The following TNRC6B variants were observed in gnomAD, a reference collection of about 807,000 sequenced individuals.
TNRC6B encodes the protein trinucleotide repeat containing adaptor 6B, also known as trinucleotide repeat-containing gene 6B protein.
In TNRC6B, 52 loss-of-function variants were observed where a neutral mutation model predicts 203.6. The observed-to-expected ratio is 0.26, with a 90% CI of 0.20 to 0.32. The LOEUF is 0.32. TNRC6B is among the 10% of genes least tolerant of loss of function. The pLI, the probability that TNRC6B is intolerant of heterozygous loss-of-function variation, is 1.00. For synonymous variants in TNRC6B, 838 were observed against 845.7 expected (o/e 0.99, Z 0.16); for missense variants, 1,923 against 2,286.2 (o/e 0.84, Z 3.24).
intron 3 of TNRC6B, among the ~76,000 whole-genome samples, chr22:40,257,352 T>A (rs2070295757): frequency 2.0e-5 from 3 of 152,178 alleles, no homozygotes; most frequent in Middle Eastern, 3.4e-3. Flanking sequence ...GATACAAGAA[T>A]GGAATAAGAA....
intron 1 of TNRC6B, among the ~76,000 whole-genome samples, chr22:40,104,309 T>C (rs12157468): frequency 0.082 from 12,497 of 152,130 alleles, 1,660 homozygotes; most frequent in African/African-American, 0.28. Context: ...AGTAGCCTTA[T>C]AACAAGTAGA....
At chr22:40,118,376 C>G (rs985505236) in intron 2 of TNRC6B, among the ~76,000 whole-genome samples, 12 of 152,160 alleles carry the variant, frequency 7.9e-5, no homozygotes, top group Admixed American at 6.5e-4. Flanking sequence ...AACACCTTTT[C>G]CTGCACAGCT....
In TNRC6B at chr22:40,190,790, G is replaced by A. The variant is rs112138529; in HGVS notation, c.5+12650G>A. 3.2e-4 allele frequency among the ~76,000 whole-genome samples: 48 copies of A among 152,318 alleles called. 1 individual carries two copies. Among genetic ancestry groups the A allele is most frequent in the African/African-American group, 1.1e-3 (47 of 41,576 alleles). On this transcript the variant is annotated intron_variant, in intron 1 of 22. Transcript: ENST00000454349. ...AGAGGGGAGGAGAGGAGAGGTTATG[G>A]TTAGCTGTGTCGGGTGTTTGGAAGC...
intron 15 of TNRC6B, among the ~76,000 whole-genome samples, chr22:40,306,153 T>C (rs528340944): frequency 6.6e-6 from 1 of 151,774 alleles, no homozygotes; most frequent in African/African-American, 2.4e-5. Flanking sequence ...AATCAGCGAG[T>C]GTGGTGGCAG....
rs2071406119 is a variant in TNRC6B, at chr22:40,326,656, G to A, written c.*3415G>A. ...AACCCCAGCAACAAAAGAAAGGAAG[G>A]AAGGAAGAAACAACAGCTTAAAAAA... On this transcript the variant is annotated 3_prime_UTR_variant, in exon 23 of 23. Transcript: ENST00000454349. 6.6e-6 allele frequency: 1 copy of A among 152,416 alleles called. No individual in the cohort carries two copies. The highest frequency in any genetic ancestry group is 1.5e-5 in the Non-Finnish European group (1 of 68,006). The allele number at this position is 152,416 out of a possible 1,614,324, so 9.4% of individuals were successfully genotyped here.
chr22:40,078,742 A>G (rs2068040860), intron 1 of TNRC6B, among the ~76,000 whole-genome samples: 1 of 151,670 alleles, frequency 6.6e-6, no homozygotes, highest in African/African-American at 2.4e-5. Flanking sequence ...ACAGGTGTGC[A>G]CCACCATGCC....
At chr22:40,251,236 CCTTTTGTGTTTAG>C in intron 3 of TNRC6B, 36 bp downstream of exon 3, 1 of 1,491,248 alleles carries the variant, frequency 6.7e-7, no homozygotes, top group Non-Finnish European at 9.0e-7. Context: ...TTATTTAGAA[CCTTTTGTGTTTAG>C]CTTTTACACT....
At chr22:40,317,119 C>T (rs950246941) in intron 21 of TNRC6B, among the ~76,000 whole-genome samples, 1 of 152,188 alleles carries the variant, frequency 6.6e-6, no homozygotes, top group Non-Finnish European at 1.5e-5. Context: ...AAGTGTCTTC[C>T]CTTCTCAACT....
At chr22:40,154,896 C>CATATAT (rs1335390600) in intron 3 of TNRC6B, among the ~76,000 whole-genome samples, 1 of 29,906 alleles carries the variant, frequency 3.3e-5, no homozygotes, top group East Asian at 8.6e-4. Context: ...TATATATATA[C>CATATAT]ATATATATAT....
chr22:40,114,709 C>G (rs2068371550), intron 1 of TNRC6B, among the ~76,000 whole-genome samples: 1 of 152,118 alleles, frequency 6.6e-6, no homozygotes, highest in Non-Finnish European at 1.5e-5. Flanking sequence ...CATTCCCACC[C>G]CTTCTATGAA....
chr22:40,060,830 C>A (rs1601791173), intron 1 of TNRC6B, among the ~76,000 whole-genome samples: 1 of 152,118 alleles, frequency 6.6e-6, no homozygotes, highest in African/African-American at 2.4e-5. Flanking sequence ...CTTGCCTGAG[C>A]CTAGGAATCC....
intron 1 of TNRC6B, among the ~76,000 whole-genome samples, chr22:40,182,239 C>A (rs1414470560): frequency 6.7e-6 from 1 of 150,188 alleles, no homozygotes; most frequent in Non-Finnish European, 1.5e-5. Context: ...AGGGAGACTC[C>A]GTCTCAAAAA....
chr22:40,067,697 A>G (rs1374831738), intron 1 of TNRC6B, among the ~76,000 whole-genome samples: 1 of 152,148 alleles, frequency 6.6e-6, no homozygotes, highest in Non-Finnish European at 1.5e-5. Context: ...GTTCAAGAGC[A>G]GGAGGAGGAG....
At chr22:40,204,291 C>T (rs556141354) in intron 1 of TNRC6B, among the ~76,000 whole-genome samples, 9 of 152,284 alleles carry the variant, frequency 5.9e-5, no homozygotes, top group Admixed American at 4.6e-4. Context: ...TTTGGTCAGT[C>T]CTGTGAAATG....
chr22:40,143,713 G>T (rs562012451), intron 3 of TNRC6B, among the ~76,000 whole-genome samples: 1 of 152,148 alleles, frequency 6.6e-6, no homozygotes, highest in Non-Finnish European at 1.5e-5. Context: ...AGCCAGGATG[G>T]TCTCGATCTC....
At chr22:40,111,036 G>A (rs543495847) in intron 1 of TNRC6B, among the ~76,000 whole-genome samples, 1 of 152,322 alleles carries the variant, frequency 6.6e-6, no homozygotes, top group East Asian at 1.9e-4. Context: ...AGCAAGCCTA[G>A]TGTGTGTTCT....
intron 3 of TNRC6B, among the ~76,000 whole-genome samples, chr22:40,141,759 T>G (rs1568996116): frequency 6.6e-6 from 1 of 151,128 alleles, no homozygotes. Flanking sequence ...TTTTTTCTTG[T>G]TTTTTGTTTT....
intron 12 of TNRC6B, among the ~76,000 whole-genome samples, chr22:40,295,876 T>A (rs943370160): frequency 3.3e-5 from 5 of 152,172 alleles, no homozygotes; most frequent in African/African-American, 4.8e-5. Flanking sequence ...TTTTGTTTTT[T>A]ATATTAAGAA....
intron 12 of TNRC6B, 111 bp from the exon 13 acceptor site, chr22:40,300,344 T>C: frequency 9.4e-7 from 1 of 1,063,794 alleles, no homozygotes; most frequent in Non-Finnish European, 1.3e-6. Context: ...CAGAAAAGTT[T>C]GACAACTCTT....
Sources: allele counts gnomAD v4.1 joint callset (sites outside exome capture counted in the v4.1 genomes callset), GRCh38; gene constraint gnomAD v4.1.1; transcripts MANE v1.5; gene names NCBI Gene and HGNC (gene_info 2026-07-23, HGNC 2026-07-21).